Variants in CTDSP1 observed in about 807,000 individuals in gnomAD.
The protein encoded by CTDSP1 is CTD small phosphatase 1, also known as carboxy-terminal domain RNA polymerase II polypeptide A small phosphatase 1.
Under a neutral mutation model 32.5 loss-of-function variants are expected in CTDSP1, and 15 were observed. The observed-to-expected ratio is 0.46, with a 90% CI of 0.31 to 0.71. The LOEUF (loss-of-function observed/expected upper bound fraction) is 0.71. Among genes scored for constraint, CTDSP1 ranks in the 30% least tolerant of loss-of-function variants. The pLI, the probability that CTDSP1 is intolerant of heterozygous loss-of-function variation, is 0.05. For synonymous variants in CTDSP1, 185 were observed against 145.4 expected (o/e 1.27, Z -1.96); for missense variants, 294 against 351.1 (o/e 0.84, Z 1.30).
In CTDSP1 at chr2:218,402,397, G is replaced by A. The variant is rs772381836; in HGVS notation, c.370G>A (p.Val124Ile). Residue 124 changes from valine to isoleucine, a missense_variant, in exon 4 of 7, where the codon GTC (valine) becomes ATC (isoleucine). Physicochemically the swap from Val to Ile is conservative, Grantham distance 29 (BLOSUM62 3). Coordinates refer to ENST00000273062, the MANE Select transcript of CTDSP1 (RefSeq NM_021198.3). ...FIIPVEIDGV[V>I]HQVYVLKRPH... is the part of the protein sequence containing the mutation. ...CATCCCTGTGGAGATTGATGGGGTG[G>A]TCCACCAGGTGAGGGCCAGGAAGAG... is the stretch of plus-strand genomic sequence containing the variant. The A allele has an allele frequency of 6.2e-6, 10 of 1,608,880 alleles. No individual in the cohort carries two copies. The African/African-American group carries it at 1.3e-4, about 21-fold the overall frequency.
At chr2:218,402,668 C>T (rs1173404354) in intron 4 of CTDSP1, 1 of 766,280 alleles carries the variant, frequency 1.3e-6, no homozygotes, top group Non-Finnish European at 2.4e-6. Flanking sequence ...TCAAGTAATT[C>T]AGGATAGGTT....
chr2:218,399,688 G>T (rs1370396768), upstream of CTDSP1: 12 of 970,812 alleles, frequency 1.2e-5, no homozygotes, highest in Admixed American at 6.1e-5. Context: ...CCCGCCGGCG[G>T]GCGGCAGGAA....
At chr2:218,398,502 T>G, upstream of CTDSP1, 4 of 1,431,852 alleles carry the variant, frequency 2.8e-6, no homozygotes, top group Non-Finnish European at 3.7e-6. Context: ...GACAGTCCCC[T>G]CCCGCCCCTA....
chr2:218,397,015 G>C (rs571969663), upstream of CTDSP1: 1 of 153,040 alleles, frequency 6.5e-6, no homozygotes, highest in East Asian at 1.9e-4. Flanking sequence ...AGGGGGGGTC[G>C]GCGGTAGGGG....
chr2:218,400,916 G>T (rs1402186204), intron 1 of CTDSP1: 7 of 456,262 alleles, frequency 1.5e-5, no homozygotes, highest in South Asian at 1.5e-5. Context: ...ACCCTCGCCT[G>T]GGTCTGGCTG....
Position 218,402,414 on chromosome 2 carries a change from C to T in CTDSP1, c.378+9C>T, listed in dbSNP as rs776971622. 7.5e-6 allele frequency: 12 copies of T among 1,603,606 alleles called. No homozygotes were observed. Among genetic ancestry groups the T allele is most frequent in the Non-Finnish European group, 9.4e-6 (11 of 1,174,618 alleles). On this transcript the variant is annotated intron_variant, in intron 4 of 6. Coordinates refer to ENST00000273062, the MANE Select transcript of CTDSP1 (RefSeq NM_021198.3). ...ATGGGGTGGTCCACCAGGTGAGGGC[C>T]AGGAAGAGGCAGTGGTGGGCTTGGC... is the stretch of plus-strand genomic sequence containing the variant.
chr2:218,403,488 C>T (rs1489567630), intron 6 of CTDSP1, 71 bp downstream of exon 6: 1 of 1,386,302 alleles, frequency 7.2e-7, no homozygotes. Context: ...TTCAGGCCAC[C>T]TTGGCCTCTT....
intron 1 of CTDSP1, chr2:218,401,176 T>C: frequency 2.7e-6 from 1 of 365,198 alleles, no homozygotes; most frequent in Non-Finnish European, 5.4e-6. Flanking sequence ...TGGACTGCCC[T>C]GGGTCCCAGG....
At chr2:218,403,010 G>GC (rs1036186554) in intron 4 of CTDSP1, 25 bp from the exon 5 acceptor site, 4 of 1,587,826 alleles carry the variant, frequency 2.5e-6, no homozygotes, top group Non-Finnish European at 3.5e-6. Flanking sequence ...CTGGCCCGCA[G>GC]CCCCCTCACT....
chr2:218,398,263 C>T (rs1014412490), upstream of CTDSP1: 5 of 720,902 alleles, frequency 6.9e-6, no homozygotes, highest in Non-Finnish European at 1.2e-5. Context: ...ACCCGAAGCA[C>T]GTCGCTTCCT....
At chr2:218,402,005 C>T (rs1166396295) in intron 2 of CTDSP1, 106 bp from the exon 3 acceptor site, 16 of 814,218 alleles carry the variant, frequency 2.0e-5, no homozygotes, top group African/African-American at 3.4e-5. Context: ...AGTATCTGTT[C>T]CTGGGGCCTG....
At chr2:218,399,651 C>T, upstream of CTDSP1, 1 of 848,726 alleles carries the variant, frequency 1.2e-6, no homozygotes, top group Non-Finnish European at 1.4e-6. Flanking sequence ...GGGTGCCGGG[C>T]CTGCCACGCA....
chr2:218,397,719 T>C (rs113868634), upstream of CTDSP1, among the ~76,000 whole-genome samples: 3 of 152,180 alleles, frequency 2.0e-5, no homozygotes, highest in Non-Finnish European at 2.9e-5. Flanking sequence ...CAGCTGGGTG[T>C]AGACAACCCC....
At chr2:218,397,090 C>G (rs935454801), upstream of CTDSP1, among the ~76,000 whole-genome samples, 2 of 152,118 alleles carry the variant, frequency 1.3e-5, no homozygotes, top group East Asian at 3.9e-4. Flanking sequence ...CGTGTGTGCA[C>G]ATCTGCCAAG....
chr2:218,401,186 G>T, intron 1 of CTDSP1: 1 of 368,242 alleles, frequency 2.7e-6, no homozygotes, highest in Non-Finnish European at 5.3e-6. Flanking sequence ...TGGGTCCCAG[G>T]CCCTGGCTGT....
upstream of CTDSP1, chr2:218,398,223 C>G (rs1334610712): frequency 1.7e-6 from 1 of 591,858 alleles, no homozygotes; most frequent in Non-Finnish European, 3.0e-6. Flanking sequence ...CGCTCCCAGG[C>G]TGGAATCCCG....
In CTDSP1 at chr2:218,400,001, C is replaced by CA; in HGVS notation, c.-90_-89insA. On this transcript the variant is annotated 5_prime_UTR_variant, in exon 1 of 7. Transcript: ENST00000273062. ...GGGATCCCTCCCTCCCACCCCTCCC[C>CA]TCCCCCCCGCGCCCCGATTCCGGCC... is the stretch of plus-strand genomic sequence containing the variant. 2 of 1,286,116 alleles carry CA rather than the reference C, an allele frequency of 1.6e-6. No homozygotes were observed. The highest frequency in any genetic ancestry group is 2.0e-6 in the Non-Finnish European group (2 of 1,005,822). 79.7% of individuals were successfully genotyped at this position (1,286,116 alleles called of 1,614,324 possible). A position where few individuals can be genotyped will look rare whatever the true frequency, so the allele number is the denominator to read the frequency against.
rs1574797658 is a variant in CTDSP1, at chr2:218,402,100, C to T, written c.217-11C>T. On this transcript the variant is annotated splice_polypyrimidine_tract_variant and intron_variant, in intron 2 of 6. Transcript: ENST00000273062. The stretch of plus-strand genomic sequence containing the variant: ...AGAGAGGCACCCCAGCCAGCCCCGC[C>T]CTCCCTACAGCAGACCCCAGTCCAA... 9 of 1,598,404 alleles carry T rather than the reference C, an allele frequency of 5.6e-6. No homozygotes were observed. Among genetic ancestry groups the T allele is most frequent in the Non-Finnish European group, 7.7e-6 (9 of 1,167,444 alleles).
At chr2:218,397,265 C>A (rs1046369945), upstream of CTDSP1, among the ~76,000 whole-genome samples, 17 of 152,180 alleles carry the variant, frequency 1.1e-4, no homozygotes, top group African/African-American at 4.1e-4. Flanking sequence ...CATTTGGACA[C>A]TGGAAGGCGT....
Sources: gnomAD v4.1 joint callset for allele counts (sites outside exome capture counted in the v4.1 genomes callset) on GRCh38, gnomAD v4.1.1 for gene constraint, MANE v1.5 for transcripts, NCBI Gene and HGNC (gene_info 2026-07-23, HGNC 2026-07-21) for gene names.